MBD5: variants seen among roughly 807,000 people sequenced by gnomAD.
MBD5 encodes methyl-CpG binding domain protein 5.
MBD5 carries 13 observed loss-of-function variants against 117.3 expected under a neutral mutation model. The observed-to-expected ratio is 0.11, with a 90% confidence interval of 0.07 to 0.18. The LOEUF (loss-of-function observed/expected upper bound fraction) is 0.18, where lower values mean the gene tolerates loss of function less well. Ranked by LOEUF, MBD5 falls within the 10% of genes least tolerant of loss-of-function variation. The pLI is 1.00. For synonymous variants in MBD5, 727 were observed against 766.4 expected (o/e 0.95, Z 0.85); for missense variants, 1,879 against 2,093.8 (o/e 0.90, Z 2.00).
At chr2:148,387,821 T>G (rs952423807) in intron 4 of MBD5, among the ~76,000 whole-genome samples, 11 of 152,114 alleles carry the variant, frequency 7.2e-5, no homozygotes, top group African/African-American at 2.7e-4. Context: ...ATGTGTGTGA[T>G]CTCTATGAAA....
At position 148,468,569 on chromosome 2, in the gene MBD5, G is replaced by A; in HGVS notation, c.626G>A (p.Gly209Glu). The stretch of plus-strand genomic sequence containing the variant: ...CAGAGATTGGGCAGCAGTGAACATG[G>A]ACAGAAATCTCCATTCCGTGGCAGC... ...PRQRLGSSEHGQKSPFRGSHG... is the reference protein window; with the variant it reads ...PRQRLGSSEHEQKSPFRGSHG... The change falls in exon 8 of 14, where the codon GGA (glycine) becomes GAA (glutamate). Residue 209 changes from glycine to glutamate, a missense_variant. Gly to Glu is a moderately conservative substitution (Grantham distance 98). Around this residue, in one of 4 missense-constraint regions of MBD5, gnomAD observed 1,666 missense variants for 1,792.2 expected, o/e 0.93. Coordinates refer to ENST00000642680, the MANE Select transcript of MBD5 (RefSeq NM_001378120.1). 1 of 1,613,902 alleles carries A rather than the reference G, an allele frequency of 6.2e-7. No homozygotes were observed. Among genetic ancestry groups the A allele is most frequent in the Non-Finnish European group, 8.5e-7 (1 of 1,179,882 alleles).
At position 148,469,480 on chromosome 2, in the gene MBD5, G is replaced by A. The variant is rs1465733702; in HGVS notation, c.1537G>A (p.Asp513Asn). 66 of 1,613,720 alleles carry A rather than the reference G, an allele frequency of 4.1e-5. No homozygotes were observed. Among genetic ancestry groups the A allele is most frequent in the Non-Finnish European group, 5.3e-5 (63 of 1,179,942 alleles). ...GCCATCAAGCCCTTCTACCAAGTCC[G>A]ATGGACATCATCAGTACAAGGATAT... is the stretch of plus-strand genomic sequence containing the variant. ...SMPSSPSTKS[D>N]GHHQYKDIPN... is the part of the protein sequence containing the mutation. Residue 513 changes from aspartate to asparagine, a missense_variant, in exon 8 of 14, where the codon GAT becomes AAT. By Grantham distance (23) the Asp-to-Asn change is conservative. This residue lies in a region of MBD5 where 1,666 missense variants were observed against 1,792.2 expected (regional missense o/e 0.93). Coordinates refer to ENST00000642680, the MANE Select transcript of MBD5 (RefSeq NM_001378120.1).
intron 2 of MBD5, among the ~76,000 whole-genome samples, chr2:148,230,721 C>T (rs1002171910): frequency 2.0e-5 from 3 of 152,118 alleles, no homozygotes; most frequent in Admixed American, 6.5e-5. Flanking sequence ...CTGGGTATTA[C>T]TGCTGGTTGT....
chr2:148,281,027 C>A (rs762667651), intron 3 of MBD5, among the ~76,000 whole-genome samples: 1 of 152,046 alleles, frequency 6.6e-6, no homozygotes, highest in African/African-American at 2.4e-5. Context: ...TTGATTTTGT[C>A]CTTGCTCTGT....
At chr2:148,312,660 TCAGACTTGTTCTCTGTC>T (rs1313311899) in intron 3 of MBD5, among the ~76,000 whole-genome samples, 1 of 152,202 alleles carries the variant, frequency 6.6e-6, no homozygotes, top group African/African-American at 2.4e-5. Flanking sequence ...CGTCAATTTG[TCAGACTTGTTCTCTGTC>T]CAGTTTTGTT....
intron 1 of MBD5, among the ~76,000 whole-genome samples, chr2:148,124,787 T>G (rs1696851349): frequency 6.6e-6 from 1 of 152,076 alleles, no homozygotes; most frequent in Non-Finnish European, 1.5e-5. Flanking sequence ...TGGAGTATCC[T>G]ACAATTGATG....
At chr2:148,073,376 G>A (rs994962534) in intron 1 of MBD5, among the ~76,000 whole-genome samples, 4 of 152,108 alleles carry the variant, frequency 2.6e-5, no homozygotes, top group African/African-American at 9.7e-5. Context: ...AATATAAGGG[G>A]TGGTTTTGAA....
At chr2:148,199,322 G>A (rs912634704) in intron 2 of MBD5, among the ~76,000 whole-genome samples, 1 of 151,816 alleles carries the variant, frequency 6.6e-6, no homozygotes, top group Non-Finnish European at 1.5e-5. Context: ...ATCCAATTGG[G>A]GCAGAAAACT....
At chr2:148,493,136 A>G (rs1681581259) in intron 11 of MBD5, among the ~76,000 whole-genome samples, 1 of 152,246 alleles carries the variant, frequency 6.6e-6, no homozygotes, top group Non-Finnish European at 1.5e-5. Context: ...TTATTATAGT[A>G]AAACTTTTCT....
chr2:148,304,823 G>T, intron 3 of MBD5, among the ~76,000 whole-genome samples: 1 of 152,174 alleles, frequency 6.6e-6, no homozygotes, highest in East Asian at 1.9e-4. Flanking sequence ...AGCACTTTGG[G>T]AGGCCGAGGC....
At chr2:148,472,016 C>T (rs1010584488) in intron 8 of MBD5, 2 of 152,014 alleles carry the variant, frequency 1.3e-5, no homozygotes, top group Non-Finnish European at 1.5e-5. Flanking sequence ...TTGCATTATA[C>T]AGTTTTGATA....
chr2:148,488,867 A>G (rs1052639241), intron 10 of MBD5, among the ~76,000 whole-genome samples: 2 of 152,176 alleles, frequency 1.3e-5, no homozygotes, highest in Non-Finnish European at 1.5e-5. Context: ...TTACTACCCC[A>G]TCTGAAAACT....
intron 3 of MBD5, chr2:148,295,594 C>G (rs1284994701): frequency 2.0e-5 from 3 of 152,510 alleles, no homozygotes; most frequent in Non-Finnish European, 4.4e-5. Context: ...TAACCAGACT[C>G]TGAGTTCTTT....
intron 1 of MBD5, among the ~76,000 whole-genome samples, chr2:148,154,604 T>C (rs75828315): frequency 6.6e-6 from 1 of 152,228 alleles, no homozygotes; most frequent in African/African-American, 2.4e-5. Flanking sequence ...CTTAGGACCC[T>C]CTGAGCCAGG....
At chr2:148,436,592 G>A (rs1034153276) in intron 4 of MBD5, among the ~76,000 whole-genome samples, 21 of 151,984 alleles carry the variant, frequency 1.4e-4, no homozygotes, top group African/African-American at 4.3e-4. Context: ...GGCTGGTCTC[G>A]AACTCCCGAC....
At chr2:148,300,809 C>T (rs1448056644) in intron 3 of MBD5, among the ~76,000 whole-genome samples, 1 of 152,156 alleles carries the variant, frequency 6.6e-6, no homozygotes, top group Non-Finnish European at 1.5e-5. Flanking sequence ...AAAATGTAGA[C>T]TACAGACTCC....
chr2:148,303,468 C>T (rs1367187245), intron 3 of MBD5, among the ~76,000 whole-genome samples: 2 of 152,132 alleles, frequency 1.3e-5, no homozygotes, highest in Non-Finnish European at 2.9e-5. Flanking sequence ...AGGAGTTTTC[C>T]AGTTCCAGAG....
At chr2:148,235,382 T>A (rs1044685924) in intron 3 of MBD5, among the ~76,000 whole-genome samples, 47 of 152,182 alleles carry the variant, frequency 3.1e-4, no homozygotes, top group Non-Finnish European at 5.1e-4. Flanking sequence ...CATCAGACTG[T>A]ATCAATGGTA....
intron 1 of MBD5, among the ~76,000 whole-genome samples, chr2:148,032,721 A>G (rs1297359168): frequency 6.6e-6 from 1 of 152,188 alleles, no homozygotes; most frequent in Non-Finnish European, 1.5e-5. Context: ...CCTACTATTA[A>G]TTATAAAAGA....
Sources: allele counts gnomAD v4.1 joint callset (sites outside exome capture counted in the v4.1 genomes callset), GRCh38; gene constraint gnomAD v4.1.1; regional missense constraint gnomAD v4.1.1; transcripts MANE v1.5; gene names NCBI Gene and HGNC (gene_info 2026-07-23, HGNC 2026-07-21).